The following STAP2 variants were observed in gnomAD, a reference collection of about 807,000 sequenced individuals.
STAP2 encodes the protein signal-transducing adaptor protein 2.
In STAP2, 58 loss-of-function variants were observed where a neutral mutation model predicts 52.7. The observed-to-expected ratio is 1.10, with a 90% CI of 0.89 to 1.37. STAP2 has a LOEUF of 1.37. Ranked by LOEUF, STAP2 falls within the 40% of genes most tolerant of loss-of-function variation. The pLI, the probability that STAP2 is intolerant of heterozygous loss-of-function variation, is 0.00. For missense variants in STAP2, 522 were observed against 519.4 expected, an observed-to-expected ratio of 1.00 and a Z score of -0.05; for synonymous variants, 231 against 210.5, an observed-to-expected ratio of 1.10 and a Z score of -0.84.
chr19:4,333,286 G>A (rs928013495), intron 3 of STAP2, among the ~76,000 whole-genome samples: 1 of 152,252 alleles, frequency 6.6e-6, no homozygotes, highest in African/African-American at 2.4e-5. Flanking sequence ...CCTGAGGTGA[G>A]GAGTTCCAGG....
intron 6 of STAP2, among the ~76,000 whole-genome samples, chr19:4,327,799 A>AC (rs958061734): frequency 7.5e-5 from 11 of 147,384 alleles, no homozygotes; most frequent in Non-Finnish European, 1.3e-4. Flanking sequence ...TAATGGCTCC[A>AC]CCCCCAGGCA....
At chr19:4,332,199 T>C (rs1358645312) in intron 3 of STAP2, 121 bp from the exon 4 acceptor site, 12 of 83,472 alleles carry the variant, frequency 1.4e-4, no homozygotes, top group South Asian at 7.6e-4. Context: ...TTTTCTTCTT[T>C]TTTTTTTTTT....
chr19:4,330,909 T>A (rs1416744460), intron 4 of STAP2, among the ~76,000 whole-genome samples: 5 of 151,800 alleles, frequency 3.3e-5, no homozygotes, highest in Non-Finnish European at 7.4e-5. Context: ...GAGACAGGGT[T>A]TCACCGTGTT....
chr19:4,329,468 T>C (rs1390940989), intron 5 of STAP2, among the ~76,000 whole-genome samples: 1 of 151,852 alleles, frequency 6.6e-6, no homozygotes, highest in African/African-American at 2.4e-5. Flanking sequence ...CCCTGCCTCG[T>C]AGGCACCTAG....
rs754228223 is a variant in STAP2 at position 4,327,016 on chromosome 19, G to C, written c.764-9C>G. ...ATCGGCTTCCACGTAGCCTGGAACAGAGAGGGCGGCCTGGAGGAAGCGCGG... is the reference window on the plus strand; with the variant it reads ...ATCGGCTTCCACGTAGCCTGGAACACAGAGGGCGGCCTGGAGGAAGCGCGG... On this transcript the variant is annotated splice_polypyrimidine_tract_variant and intron_variant, in intron 8 of 12. Transcript: ENST00000594605. The C allele has an allele frequency of 8.3e-6, 13 of 1,571,150 alleles. No homozygotes were observed. The highest frequency in any genetic ancestry group is 1.9e-5 in the Admixed American group (1 of 53,320).
rs771770809 is a variant in STAP2 at position 4,328,701 on chromosome 19, C to A, written c.564G>T (p.Ser188=). 3.7e-6 allele frequency: 6 copies of A among 1,604,976 alleles called. No individual in the cohort carries two copies. Among genetic ancestry groups the A allele is most frequent in the East Asian group, 2.2e-5 (1 of 44,618 alleles). ...CGTTGTGCATCTGCCGCGTGGTGAC[C>A]GACACGCCGTCGGCGCCGTCCCCGC... is the stretch of plus-strand genomic sequence containing the variant. ...RPSGDGADGV[S]VTTRQMHNGT... Residue 188 remains serine, a synonymous_variant, in exon 6 of 13, where the codon TCG becomes TCT. Coordinates refer to ENST00000594605, the MANE Select transcript of STAP2 (RefSeq NM_001013841.2).
chr19:4,336,689 C>G (rs1373872778), intron 1 of STAP2, among the ~76,000 whole-genome samples: 1 of 151,338 alleles, frequency 6.6e-6, no homozygotes, highest in Admixed American at 6.6e-5. Context: ...GGTTTGAGTG[C>G]AATGGCTTGA....
chr19:4,334,823 A>ATCTG (rs1555733866), intron 1 of STAP2, among the ~76,000 whole-genome samples: 17 of 1,194 alleles, frequency 0.014, no homozygotes, highest in African/African-American at 0.04. Context: ...CCATCCACTC[A>ATCTG]TCCATCCACC....
intron 4 of STAP2, among the ~76,000 whole-genome samples, chr19:4,331,302 C>A (rs1488766823): frequency 9.0e-5 from 13 of 144,696 alleles, no homozygotes; most frequent in East Asian, 4.1e-4. Context: ...GCACTCCAGC[C>A]TGGGCAACAG....
intron 4 of STAP2, among the ~76,000 whole-genome samples, chr19:4,330,733 T>TTTTG (rs1971876216): frequency 7.0e-6 from 1 of 142,910 alleles, no homozygotes; most frequent in Admixed American, 6.8e-5. Context: ...TTTTTTTTTT[T>TTTTG]GAGATGGAGT....
At chr19:4,324,378 G>A (rs773851835) in intron 12 of STAP2, 77 bp downstream of exon 12, 84 of 1,391,948 alleles carry the variant, frequency 6.0e-5, no homozygotes, top group South Asian at 3.0e-4. Context: ...AGGGCGCTTC[G>A]GAGTGTGGGG....
At position 4,324,052 on chromosome 19, in the gene STAP2, C is replaced by T; in HGVS notation, c.*81G>A. 6.9e-7 allele frequency: 1 copy of T among 1,449,496 alleles called. No homozygotes were observed. The highest frequency in any genetic ancestry group is 9.5e-7 in the Non-Finnish European group (1 of 1,057,784). The allele number at this position is 1,449,496 out of a possible 1,614,324, so 89.8% of individuals were successfully genotyped here. A position where few individuals can be genotyped will look rare whatever the true frequency, so the allele number is the denominator to read the frequency against. ...AAGCCAGACACATGGGTCCTGGGGT[C>T]AGAGTTTTAATCCTGGGAAAAAGAA... On this transcript the variant is annotated 3_prime_UTR_variant, in exon 13 of 13. Coordinates refer to ENST00000594605, the MANE Select transcript of STAP2 (RefSeq NM_001013841.2).
chr19:4,324,474 C>A lies in STAP2; in HGVS notation c.1128G>T (p.Gln376His). Residue 376 changes from glutamine (Q) to histidine (H), a missense_variant, in exon 12 of 13, where the codon CAG (glutamine) becomes CAT (histidine). Gln to His is a conservative substitution (Grantham distance 24). Transcript: ENST00000594605. ...CCTTACCGGCTGTGGGGAAGAGAGG[C>A]TGGGCTGAACTGACTGGCAGCTTCC... is the stretch of plus-strand genomic sequence containing the variant. ...LGRKLPVSSA[Q>H]PLFPTAGLAD... The A allele has an allele frequency of 6.4e-7, 1 of 1,573,914 alleles. No homozygotes were observed. The highest frequency in any genetic ancestry group is 8.6e-7 in the Non-Finnish European group (1 of 1,157,548).
chr19:4,325,961 T>TC (rs992321084), intron 9 of STAP2, among the ~76,000 whole-genome samples: 16 of 148,498 alleles, frequency 1.1e-4, no homozygotes, highest in African/African-American at 4.0e-4. Flanking sequence ...AGAGCAAGAC[T>TC]CCATCTCAAA....
At chr19:4,325,190 G>A (rs1229615834) in intron 11 of STAP2, 26 bp downstream of exon 11, 1 of 1,554,538 alleles carries the variant, frequency 6.4e-7, no homozygotes, top group Non-Finnish European at 8.7e-7. Flanking sequence ...CATCAGGTGA[G>A]GGTGGGATAT....
intron 1 of STAP2, among the ~76,000 whole-genome samples, chr19:4,335,599 C>T (rs974064995): frequency 3.9e-5 from 6 of 152,200 alleles, no homozygotes; most frequent in African/African-American, 1.4e-4. Flanking sequence ...ATGCATTTAC[C>T]TAACATTTAC....
At position 4,333,987 on chromosome 19, in the gene STAP2, T is replaced by G; in HGVS notation, c.160A>C (p.Asn54His). ...QGLTIYFYNS[N>H]RDFQHVEKLN... Reference sequence around the variant, plus strand: ...CCCATCCTTACCTGGAAGTCCCGATTGCTATTGTAGAAATAAATGGTGAGA... The same window carrying G: ...CCCATCCTTACCTGGAAGTCCCGATGGCTATTGTAGAAATAAATGGTGAGA... The change falls in exon 2 of 13, where the codon AAT (asparagine) becomes CAT (histidine). Residue 54 changes from asparagine to histidine, a missense_variant. Physicochemically the swap from Asn to His is moderately conservative, Grantham distance 68. Transcript: ENST00000594605. The G allele has an allele frequency of 6.2e-7, 1 of 1,613,424 alleles. No homozygotes were observed.
chr19:4,334,904 CCCATCCATCCATCCCTCCATAAT>C (rs1295453942), intron 1 of STAP2, among the ~76,000 whole-genome samples: 6 of 121,132 alleles, frequency 5.0e-5, no homozygotes, highest in African/African-American at 9.5e-5. Flanking sequence ...CATCCATCCA[CCCATCCATCCATCCCTCCATAAT>C]CCATCCATCC....
At chr19:4,334,810 C>A (rs1208318576) in intron 1 of STAP2, among the ~76,000 whole-genome samples, 2 of 86,788 alleles carry the variant, frequency 2.3e-5, no homozygotes, top group African/African-American at 8.5e-5. Flanking sequence ...ATCCCTCCAT[C>A]ATCCATCCAC....
Sources: allele counts gnomAD v4.1 joint callset (sites outside exome capture counted in the v4.1 genomes callset), GRCh38; gene constraint gnomAD v4.1.1; transcripts MANE v1.5; gene names NCBI Gene and HGNC (gene_info 2026-07-23, HGNC 2026-07-21).